The following PTPRS variants were observed in gnomAD, a reference collection of about 807,000 sequenced individuals.
The protein encoded by PTPRS is receptor-type tyrosine-protein phosphatase S.
Under a neutral mutation model 215.3 loss-of-function variants are expected in PTPRS, and 63 were observed. The ratio of observed to expected loss-of-function variants is 0.29; its 90% confidence interval spans 0.24 to 0.36. The LOEUF is 0.36. Among genes scored for constraint, PTPRS ranks in the 10% least tolerant of loss-of-function variants. The pLI, the probability that PTPRS is intolerant of heterozygous loss-of-function variation, is 1.00. For missense variants in PTPRS, 2,258 were observed against 2,825.8 expected (o/e 0.80, Z 4.56); for synonymous variants, 1,404 against 1,191.4 (o/e 1.18, Z -3.68).
intron 17 of PTPRS, among the ~76,000 whole-genome samples, chr19:5,225,252 C>G (rs1360487308): frequency 6.6e-6 from 1 of 151,974 alleles, no homozygotes; most frequent in African/African-American, 2.4e-5. Context: ...GAAATAACAA[C>G]CTAGCCGGGG....
intron 2 of PTPRS, among the ~76,000 whole-genome samples, chr19:5,280,638 T>C (rs2047767203): frequency 6.6e-6 from 1 of 152,012 alleles, no homozygotes; most frequent in Admixed American, 6.6e-5. Flanking sequence ...GGAGAATCGT[T>C]TGAACCCAGG....
At chr19:5,268,350 T>C (rs886213138) in intron 4 of PTPRS, among the ~76,000 whole-genome samples, 1 of 152,024 alleles carries the variant, frequency 6.6e-6, no homozygotes, top group African/African-American at 2.4e-5. Context: ...GGAGAAAAAG[T>C]GTGCTGCTTC....
At chr19:5,243,554 AC>A (rs1284083128) in intron 11 of PTPRS, among the ~76,000 whole-genome samples, 1 of 150,618 alleles carries the variant, frequency 6.6e-6, no homozygotes, top group East Asian at 2.0e-4. Flanking sequence ...ATCTCAGCTC[AC>A]TGCAACCTCC....
intron 1 of PTPRS, among the ~76,000 whole-genome samples, chr19:5,306,522 T>C (rs2049499466): frequency 6.6e-6 from 1 of 152,202 alleles, no homozygotes; most frequent in South Asian, 2.1e-4. Flanking sequence ...TTGTAACTAC[T>C]GAGCACACGC....
intron 1 of PTPRS, among the ~76,000 whole-genome samples, chr19:5,319,434 A>AT (rs751761371): frequency 3.5e-5 from 4 of 113,358 alleles, no homozygotes; most frequent in Non-Finnish European, 8.4e-5. Context: ...TTTTTTTTTT[A>AT]AAAAGCTATC....
rs1013036565 is a variant in PTPRS, at chr19:5,312,945, C to T, written c.-94-26711G>A. The stretch of plus-strand genomic sequence containing the variant: ...TTATTTATTTATTTAGACAGAGTCT[C>T]ACTCTGTCGCCCAGGCTGGAGTGCA... On this transcript the variant is annotated intron_variant, in intron 1 of 37. Coordinates refer to ENST00000262963, the MANE Select transcript of PTPRS (RefSeq NM_002850.4). 2.0e-5 allele frequency among the ~76,000 whole-genome samples: 3 copies of T among 152,284 alleles called. No individual in the cohort carries two copies. The East Asian group carries it at 5.8e-4, about 29-fold the overall frequency.
In PTPRS at chr19:5,211,779, G is replaced by C. The variant is rs758679912; in HGVS notation, c.5056-11C>G. 3.1e-6 allele frequency: 5 copies of C among 1,607,572 alleles called. 1 individual carries two copies. The South Asian group carries it at 5.5e-5, about 18-fold the overall frequency. On this transcript the variant is annotated splice_polypyrimidine_tract_variant and intron_variant, in intron 32 of 37. Transcript: ENST00000262963. ...GGAGTTAGCCAGCCGCTGTGGGGAG[G>C]AGGAAGCCAGAGGCCACCATCAGGA...
intron 1 of PTPRS, among the ~76,000 whole-genome samples, chr19:5,316,850 C>T (rs4363954): frequency 0.11 from 16,091 of 152,116 alleles, 920 homozygotes; most frequent in African/African-American, 0.12. Context: ...TTCTGGCACC[C>T]GGCTGTGATT....
At chr19:5,218,686 G>A in intron 24 of PTPRS, 101 bp downstream of exon 24, 1 of 1,532,460 alleles carries the variant, frequency 6.5e-7, no homozygotes, top group East Asian at 2.2e-5. Flanking sequence ...TACAAGCTGT[G>A]GGGGCAGCCG....
chr19:5,251,135 A>T (rs1401645584), intron 9 of PTPRS: 1 of 152,774 alleles, frequency 6.5e-6, no homozygotes, highest in Non-Finnish European at 1.5e-5. Flanking sequence ...GGTTGGAAAC[A>T]TTCCTAATTC....
chr19:5,311,689 T>G (rs1006489475), intron 1 of PTPRS, among the ~76,000 whole-genome samples: 1 of 151,668 alleles, frequency 6.6e-6, no homozygotes, highest in African/African-American at 2.4e-5. Context: ...GCGGCTGGGG[T>G]GGAGATGGCA....
chr19:5,228,996 A>G (rs1451766417), intron 16 of PTPRS, among the ~76,000 whole-genome samples: 2 of 152,218 alleles, frequency 1.3e-5, no homozygotes, highest in South Asian at 2.1e-4. Flanking sequence ...CGGGCAGGAG[A>G]AGGACCCAGG....
chr19:5,277,049 A>T, intron 2 of PTPRS, among the ~76,000 whole-genome samples: 1 of 134,040 alleles, frequency 7.5e-6, no homozygotes, highest in East Asian at 2.3e-4. Context: ...GCTACTGCTG[A>T]GTTTTGTGTT....
At chr19:5,281,237 G>A (rs2047824357) in intron 2 of PTPRS, among the ~76,000 whole-genome samples, 1 of 151,610 alleles carries the variant, frequency 6.6e-6, no homozygotes, top group African/African-American at 2.4e-5. Flanking sequence ...AAAGCGGGAG[G>A]ATCAACTGAG....
chr19:5,244,946 G>A lies in PTPRS; in HGVS notation c.989-464C>T, dbSNP rs932067127. 1.3e-5 allele frequency among the ~76,000 whole-genome samples: 2 copies of A among 151,384 alleles called. No homozygotes were observed. The highest frequency in any genetic ancestry group is 2.0e-4 in the East Asian group (1 of 5,128). ...GCCTCCCGAAGTGCTGGGATTACAG[G>A]TGTGAGCCACCGCACCCGGCCTTTT... On this transcript the variant is annotated intron_variant, in intron 10 of 37. Coordinates refer to ENST00000262963, the MANE Select transcript of PTPRS (RefSeq NM_002850.4). The surrounding 1 kb of genome is among the most constrained non-coding windows in gnomAD (Gnocchi z 7.2).
intron 1 of PTPRS, among the ~76,000 whole-genome samples, chr19:5,327,971 C>T (rs568219893): frequency 6.6e-6 from 1 of 152,146 alleles, no homozygotes; most frequent in Admixed American, 6.5e-5. Context: ...CCCTTTGGGC[C>T]TCTCACCTTC....
At chr19:5,310,982 C>G (rs571050665) in intron 1 of PTPRS, among the ~76,000 whole-genome samples, 1 of 152,042 alleles carries the variant, frequency 6.6e-6, no homozygotes, top group Non-Finnish European at 1.5e-5. Flanking sequence ...CTGGTTCAAG[C>G]GATTCCCCTG....
chr19:5,229,496 C>A lies in PTPRS; in HGVS notation c.2344G>T (p.Ala782Ser). Residue 782 changes from alanine to serine, a missense_variant, in exon 15 of 38, where the codon GCC (alanine) becomes TCC (serine). Transcript: ENST00000262963. The stretch of plus-strand genomic sequence containing the variant: ...CGCCCCGGCCCCCCGCCCACCTGGG[C>A]ATCGGCCAGCATGACGTCCTTGATG... ...PRIKDVMLAD[A>S]QWETDDTAEY... is the part of the protein sequence containing the mutation. 3.5e-6 allele frequency: 5 copies of A among 1,442,498 alleles called. No homozygotes were observed. Among genetic ancestry groups the A allele is most frequent in the Non-Finnish European group, 4.5e-6 (5 of 1,100,674 alleles). 89.4% of individuals were successfully genotyped at this position (1,442,498 alleles called of 1,614,324 possible).
At chr19:5,331,566 CT>C (rs1317393210) in intron 1 of PTPRS, among the ~76,000 whole-genome samples, 2 of 152,186 alleles carry the variant, frequency 1.3e-5, no homozygotes, top group African/African-American at 2.4e-5. Flanking sequence ...CAGCACCCCC[CT>C]GGACATGACA....
Sources: gnomAD v4.1 joint callset for allele counts (sites outside exome capture counted in the v4.1 genomes callset) on GRCh38, gnomAD v4.1.1 for gene constraint, Gnocchi (gnomAD v3.1) non-coding constraint, MANE v1.5 for transcripts, NCBI Gene and HGNC (gene_info 2026-07-23, HGNC 2026-07-21) for gene names.